The following TENT4B variants were observed in gnomAD, a reference collection of about 807,000 sequenced individuals.
TENT4B encodes the protein PAP associated domain containing 5.
TENT4B carries 10 observed loss-of-function variants against 75.0 expected under a neutral mutation model. That is an observed-to-expected ratio of 0.13 (90% confidence interval 0.08 to 0.23). The LOEUF (loss-of-function observed/expected upper bound fraction) is 0.23. TENT4B is among the 10% of genes least tolerant of loss of function. The pLI is 1.00. For missense variants in TENT4B, 579 were observed against 893.8 expected (o/e 0.65, Z 4.49); for synonymous variants, 350 against 357.7 (o/e 0.98, Z 0.24).
rs1024118666 is a variant in TENT4B, at chr16:50,156,216, A to AT, written c.638+1967dup. 1.5e-4 allele frequency among the ~76,000 whole-genome samples: 22 copies of AT among 150,864 alleles called. No homozygotes were observed. The South Asian group carries it at 1.9e-3, about 13-fold the overall frequency. On this transcript the variant is annotated intron_variant, in intron 1 of 11. Coordinates refer to ENST00000561678, the MANE Select transcript of TENT4B (RefSeq NM_001365324.3). The stretch of plus-strand genomic sequence containing the variant: ...CTCCCTTAGAGGATGTCAGCAGTTA[A>AT]TTTTTTTTTTAAATTAAAAAAAGTT...
chr16:50,156,233 A>G (rs550340707), intron 1 of TENT4B, among the ~76,000 whole-genome samples: 6 of 152,292 alleles, frequency 3.9e-5, no homozygotes, highest in Non-Finnish European at 8.8e-5. Context: ...TTTTAAATTA[A>G]AAAAAGTTCA....
rs2032371582 is a variant in TENT4B, at chr16:50,233,900, G to GTGGAA, written c.*4573_*4577dup. ...TATGTCAATAAGAACAGCTAATGATGTGGAAATCAGGTGTTCTCTTGTGTA... is the reference window on the plus strand; with the variant it reads ...TATGTCAATAAGAACAGCTAATGATGTGGAATGGAAATCAGGTGTTCTCTTGTGTA... On this transcript the variant is annotated 3_prime_UTR_variant, in exon 12 of 12. Transcript: ENST00000561678. 1.0e-6 allele frequency: 1 copy of GTGGAA among 985,304 alleles called. No homozygotes were observed. The highest frequency in any genetic ancestry group is 1.2e-6 in the Non-Finnish European group (1 of 829,932). The allele number at this position is 985,304 out of a possible 1,614,324, so 61.0% of individuals were successfully genotyped here.
chr16:50,206,122 G>T (rs1055832528), intron 1 of TENT4B, among the ~76,000 whole-genome samples: 5 of 152,156 alleles, frequency 3.3e-5, no homozygotes, highest in Admixed American at 1.3e-4. Flanking sequence ...AATTAATCCT[G>T]TGGTGAGCAT....
At chr16:50,178,219 G>A (rs1484127013) in intron 1 of TENT4B, among the ~76,000 whole-genome samples, 2 of 151,068 alleles carry the variant, frequency 1.3e-5, no homozygotes, top group African/African-American at 4.9e-5. Context: ...ACTTTGGGAG[G>A]CGTAAGTGGG....
chr16:50,234,370 A>AG lies in TENT4B; in HGVS notation c.*5043dup. On this transcript the variant is annotated 3_prime_UTR_variant, in exon 12 of 12. Coordinates refer to ENST00000561678, the MANE Select transcript of TENT4B (RefSeq NM_001365324.3). ...TTCTCCAAAGCCAGCAACTTGGTGA[A>AG]GTTCAGTACTTGCCTCTTAGAGGTT... 1 of 985,378 alleles carries AG rather than the reference A, an allele frequency of 1.0e-6. No homozygotes were observed. Among genetic ancestry groups the AG allele is most frequent in the Non-Finnish European group, 1.2e-6 (1 of 829,946 alleles). The allele number at this position is 985,378 out of a possible 1,614,324, so 61.0% of individuals were successfully genotyped here.
chr16:50,171,256 C>T (rs1276568641), intron 1 of TENT4B, among the ~76,000 whole-genome samples: 1 of 152,016 alleles, frequency 6.6e-6, no homozygotes, highest in Non-Finnish European at 1.5e-5. Context: ...CAAAAAATAG[C>T]CAGGTGTGGT....
At position 50,229,626 on chromosome 16, in the gene TENT4B, A is replaced by G; in HGVS notation, c.*298A>G. On this transcript the variant is annotated 3_prime_UTR_variant, in exon 12 of 12. Coordinates refer to ENST00000561678, the MANE Select transcript of TENT4B (RefSeq NM_001365324.3). ...TAAAGCTTGAATGTAAAATAAATATATTTCTCATTGGCTTTATGCAGAGTT... is the reference window on the plus strand; with the variant it reads ...TAAAGCTTGAATGTAAAATAAATATGTTTCTCATTGGCTTTATGCAGAGTT... 2 of 1,086,762 alleles carry G rather than the reference A, an allele frequency of 1.8e-6. No individual in the cohort carries two copies. Among genetic ancestry groups the G allele is most frequent in the Non-Finnish European group, 2.2e-6 (2 of 897,046 alleles). 67.3% of individuals were successfully genotyped at this position (1,086,762 alleles called of 1,614,324 possible). A position where few individuals can be genotyped will look rare whatever the true frequency, so the allele number is the denominator to read the frequency against.
In TENT4B at chr16:50,207,504, A is replaced by G. The variant is rs748639773; in HGVS notation, c.639-3819A>G. Among the ~76,000 whole-genome samples, 119 of 152,262 alleles carry G rather than the reference A, an allele frequency of 7.8e-4. 1 individual carries two copies. Among genetic ancestry groups the G allele is most frequent in the Non-Finnish European group, 1.5e-3 (101 of 68,008 alleles). Reference sequence around the variant, plus strand: ...GAGCCACTTTTCCTTTTAACATAAAAACATTGATATCCTAGAGAGGGCACT... The same window carrying G: ...GAGCCACTTTTCCTTTTAACATAAAGACATTGATATCCTAGAGAGGGCACT... On this transcript the variant is annotated intron_variant, in intron 1 of 11. Transcript: ENST00000561678.
intron 1 of TENT4B, among the ~76,000 whole-genome samples, chr16:50,178,771 T>C (rs2038356732): frequency 6.6e-6 from 1 of 152,118 alleles, no homozygotes; most frequent in South Asian, 2.1e-4. Flanking sequence ...GAAACAGTAA[T>C]TCAGTAATTA....
intron 2 of TENT4B, among the ~76,000 whole-genome samples, chr16:50,212,146 G>A (rs572325349): frequency 2.1e-4 from 32 of 152,204 alleles, no homozygotes; most frequent in African/African-American, 7.5e-4. Flanking sequence ...CTGCAGCCTC[G>A]ATTTCCTGGG....
intron 1 of TENT4B, among the ~76,000 whole-genome samples, chr16:50,170,141 T>TC (rs1167034847): frequency 6.6e-6 from 1 of 151,990 alleles, no homozygotes; most frequent in Non-Finnish European, 1.5e-5. Context: ...AACCTCAGCC[T>TC]CCCGAGTAGC....
upstream of TENT4B, chr16:50,152,941 G>A (rs1176799070): frequency 1.3e-6 from 2 of 1,503,874 alleles, no homozygotes; most frequent in East Asian, 2.7e-5. Context: ...TGCGGGGCGG[G>A]CGGCAACCTC....
Position 50,229,334 on chromosome 16 carries a change from G to A in TENT4B, c.*6G>A, listed in dbSNP as rs376513987. Reference sequence around the variant, plus strand: ...TCTCAGACCTCTGTAGATAGTCAGCGCTGCGCGGTGGACTGTCTTCTCTGT... The same window carrying A: ...TCTCAGACCTCTGTAGATAGTCAGCACTGCGCGGTGGACTGTCTTCTCTGT... On this transcript the variant is annotated 3_prime_UTR_variant, in exon 12 of 12. Transcript: ENST00000561678. 1.1e-5 allele frequency: 18 copies of A among 1,607,270 alleles called. No individual in the cohort carries two copies. In the African/African-American group the frequency reaches 1.2e-4, roughly 11 times the overall value.
chr16:50,198,359 T>C (rs1347090519), intron 1 of TENT4B, among the ~76,000 whole-genome samples: 2 of 149,392 alleles, frequency 1.3e-5, no homozygotes, highest in African/African-American at 5.0e-5. Context: ...GCACAGGTTA[T>C]AGTGAGCTGA....
chr16:50,183,068 A>C lies in TENT4B; in HGVS notation c.639-28255A>C, dbSNP rs1596682092. Among the ~76,000 whole-genome samples the C allele has an allele frequency of 2.8e-5, 4 of 145,190 alleles. No individual in the cohort carries two copies. In the Middle Eastern group the frequency reaches 0.014, roughly 522 times the overall value. The stretch of plus-strand genomic sequence containing the variant: ...ATTTATTTATTTATTTTTGAGATGG[A>C]GTTTCACTCTTGTCACCCAGGCTGG... On this transcript the variant is annotated intron_variant, in intron 1 of 11. Coordinates refer to ENST00000561678, the MANE Select transcript of TENT4B (RefSeq NM_001365324.3).
chr16:50,233,990 T>G lies in TENT4B; in HGVS notation c.*4662T>G, dbSNP rs2150758353. 1.0e-6 allele frequency: 1 copy of G among 985,494 alleles called. No homozygotes were observed. Among genetic ancestry groups the G allele is most frequent in the East Asian group, 1.1e-4 (1 of 8,824 alleles). 61.0% of individuals were successfully genotyped at this position (985,494 alleles called of 1,614,324 possible). ...TAGTTCCACATTTTAACTTAACGTC[T>G]TTGTGGCTTCACCACTGAGCTACCT... is the stretch of plus-strand genomic sequence containing the variant. On this transcript the variant is annotated 3_prime_UTR_variant, in exon 12 of 12. Coordinates refer to ENST00000561678, the MANE Select transcript of TENT4B (RefSeq NM_001365324.3).
chr16:50,209,047 A>G (rs573876978), intron 1 of TENT4B, among the ~76,000 whole-genome samples: 7 of 152,316 alleles, frequency 4.6e-5, no homozygotes, highest in South Asian at 2.1e-4. Flanking sequence ...TGAATTCTTA[A>G]TAAGTTTCTT....
intron 1 of TENT4B, among the ~76,000 whole-genome samples, chr16:50,175,771 GT>G (rs2038296103): frequency 6.6e-6 from 1 of 151,708 alleles, no homozygotes; most frequent in Non-Finnish European, 1.5e-5. Flanking sequence ...CGTCCGGCCA[GT>G]TTTTTTGTTT....
intron 3 of TENT4B, among the ~76,000 whole-genome samples, chr16:50,215,720 G>A (rs552777080): frequency 6.6e-6 from 1 of 152,270 alleles, no homozygotes; most frequent in East Asian, 1.9e-4. Context: ...ATATTTCTGA[G>A]TTGCAATTAA....
Sources: allele counts gnomAD v4.1 joint callset (sites outside exome capture counted in the v4.1 genomes callset), GRCh38; gene constraint gnomAD v4.1.1; transcripts MANE v1.5; gene names NCBI Gene and HGNC (gene_info 2026-07-23, HGNC 2026-07-21).